DBX2: variants seen among roughly 807,000 people sequenced by gnomAD.
DBX2 encodes developing brain homeobox 2.
A neutral mutation model predicts 17.7 loss-of-function variants in DBX2; 16 were observed. That is an observed-to-expected ratio of 0.90 (90% CI 0.61 to 1.37). The LOEUF is 1.37. Ranked by LOEUF, DBX2 falls within the 40% of genes most tolerant of loss-of-function variation. The pLI is 0.00. For synonymous variants in DBX2, 255 were observed against 183.8 expected (o/e 1.39, Z -3.13); for missense variants, 538 against 433.8 (o/e 1.24, Z -2.13).
At position 45,023,871 on chromosome 12, in the gene DBX2, G is replaced by C; in HGVS notation, c.523C>G (p.Leu175Val). 6.3e-7 allele frequency: 1 copy of C among 1,580,798 alleles called. No individual in the cohort carries two copies. The highest frequency in any genetic ancestry group is 2.2e-5 in the East Asian group (1 of 44,674). Residue 175 changes from leucine to valine, a missense_variant, in exon 3 of 4, where the codon CTG (leucine) becomes GTG (valine). By Grantham distance (32) the Leu-to-Val change is conservative. Coordinates refer to ENST00000332700, the MANE Select transcript of DBX2 (RefSeq NM_001004329.3). Reference protein sequence around the residue: ...FPREESMLPLLTQDSNSKARR... With the variant: ...FPREESMLPLVTQDSNSKARR... ...GCTTTGGAATTAGAGTCCTGTGTCA[G>C]GAGAGGCAGCATGCTCTCTTCTCCT...
Position 45,023,886 on chromosome 12 carries a change from T to G in DBX2, c.508A>C (p.Ser170Arg). 6.4e-7 allele frequency: 1 copy of G among 1,555,972 alleles called. No individual in the cohort carries two copies. Among genetic ancestry groups the G allele is most frequent in the Non-Finnish European group, 8.6e-7 (1 of 1,158,290 alleles). Reference protein sequence around the residue: ...ASSTAFPREESMLPLLTQDSN... With the variant: ...ASSTAFPREERMLPLLTQDSN... ...TCCTGTGTCAGGAGAGGCAGCATGC[T>G]CTCTTCTCCTAGAGTCGAGGGAAAA... Residue 170 changes from serine (S) to arginine (R), a missense_variant, in exon 3 of 4, where the codon AGC becomes CGC. Transcript: ENST00000332700.
chr12:45,016,105 A>G lies in DBX2; in HGVS notation c.*181T>C. On this transcript the variant is annotated 3_prime_UTR_variant, in exon 4 of 4. Transcript: ENST00000332700. ...CTGGGAGATTCTATTCCACTTACAA[A>G]TTAAGCCTGAGTCTAGGGCCAAACA... 3.7e-6 allele frequency: 2 copies of G among 544,568 alleles called. No homozygotes were observed. Among genetic ancestry groups the G allele is most frequent in the East Asian group, 3.3e-5 (1 of 30,324 alleles). 33.7% of individuals were successfully genotyped at this position (544,568 alleles called of 1,614,324 possible).
intron 2 of DBX2, among the ~76,000 whole-genome samples, chr12:45,031,830 C>T (rs549483876): frequency 1.9e-4 from 29 of 152,246 alleles, no homozygotes; most frequent in East Asian, 1.5e-3. Context: ...GCTGACAGTA[C>T]GCTTTCCTGC....
intron 2 of DBX2, among the ~76,000 whole-genome samples, chr12:45,033,054 T>C (rs1946418360): frequency 6.6e-6 from 1 of 152,196 alleles, no homozygotes; most frequent in African/African-American, 2.4e-5. Context: ...CTGTAAGCGT[T>C]GTGCTTAAAT....
At chr12:45,048,365 T>A (rs1403288454) in intron 1 of DBX2, among the ~76,000 whole-genome samples, 1 of 152,212 alleles carries the variant, frequency 6.6e-6, no homozygotes, top group Admixed American at 6.5e-5. Context: ...CAGAACTGGT[T>A]GTTGGATAAC....
intron 2 of DBX2, among the ~76,000 whole-genome samples, chr12:45,032,624 T>C (rs191035705): frequency 4.6e-5 from 7 of 152,310 alleles, no homozygotes; most frequent in Middle Eastern, 3.4e-3. Context: ...TTTTAAGTTT[T>C]AACAAGAAGA....
In DBX2 at chr12:45,050,946, C is replaced by G. The variant is rs1946530352; in HGVS notation, c.-19G>C. ...GGAGCATAGTGCGGCGCCAACCGGT[C>G]TGCTGCGCGCCCGCCTTGCGCCCGC... is the stretch of plus-strand genomic sequence containing the variant. On this transcript the variant is annotated 5_prime_UTR_variant, in exon 1 of 4. Coordinates refer to ENST00000332700, the MANE Select transcript of DBX2 (RefSeq NM_001004329.3). 2 of 1,410,150 alleles carry G rather than the reference C, an allele frequency of 1.4e-6. No individual in the cohort carries two copies. Among genetic ancestry groups the G allele is most frequent in the Non-Finnish European group, 1.8e-6 (2 of 1,081,476 alleles). 87.4% of individuals were successfully genotyped at this position (1,410,150 alleles called of 1,614,324 possible).
At chr12:45,024,861 C>A (rs1946373134) in intron 2 of DBX2, among the ~76,000 whole-genome samples, 1 of 152,152 alleles carries the variant, frequency 6.6e-6, no homozygotes, top group Non-Finnish European at 1.5e-5. Context: ...GAAGAGAGAA[C>A]TGAAGGGCTC....
chr12:45,024,533 C>T (rs150400689), intron 2 of DBX2, among the ~76,000 whole-genome samples: 53 of 152,310 alleles, frequency 3.5e-4, no homozygotes, highest in African/African-American at 7.7e-4. Flanking sequence ...AGCCCCGATA[C>T]GGATTAAGTA....
chr12:45,028,040 C>G (rs1592753080), intron 2 of DBX2, among the ~76,000 whole-genome samples: 1 of 152,216 alleles, frequency 6.6e-6, no homozygotes, highest in African/African-American at 2.4e-5. Context: ...CCTAGAAGAA[C>G]AGCAATTCCT....
Position 45,029,534 on chromosome 12 carries a change from G to A in DBX2, c.500-5640C>T, listed in dbSNP as rs538852102. 4.6e-5 allele frequency among the ~76,000 whole-genome samples: 7 copies of A among 152,286 alleles called. No individual in the cohort carries two copies. In the South Asian group the frequency reaches 1.5e-3, roughly 32 times the overall value. On this transcript the variant is annotated intron_variant, in intron 2 of 3. Transcript: ENST00000332700. ...AAGGTACGAGTGGGCAGGGAAAGAA[G>A]TGGGAAAGTGGCAAGAGTTACATTA...
Position 45,016,460 on chromosome 12 carries a change from G to T in DBX2, c.846C>A (p.Val282=), listed in dbSNP as rs757912540. ...ATCTTGGACTTGAGTGCTGTTGGGG[G>T]ACGTCCCATATTGAAGGACATGGAG... is the stretch of plus-strand genomic sequence containing the variant. ...FPSPCPSIWD[V]PQQHSSPRWR... Residue 282 remains valine (V), a synonymous_variant, in exon 4 of 4, where the codon GTC becomes GTA. Transcript: ENST00000332700. 3.7e-6 allele frequency: 6 copies of T among 1,613,826 alleles called. No homozygotes were observed. In the East Asian group the frequency reaches 8.9e-5, roughly 24 times the overall value.
At chr12:45,041,041 G>C (rs114552403) in intron 1 of DBX2, among the ~76,000 whole-genome samples, 4,348 of 147,844 alleles carry the variant, frequency 0.029, 213 homozygotes, top group African/African-American at 0.099. Context: ...GGCAACCACT[G>C]GGGGGAAGAA....
In DBX2 at chr12:45,015,439, G is replaced by C. The variant is rs1183342448; in HGVS notation, c.*847C>G. 5 of 152,076 alleles carry C rather than the reference G, an allele frequency of 3.3e-5. No homozygotes were observed. Among genetic ancestry groups the C allele is most frequent in the African/African-American group, 1.2e-4 (5 of 41,414 alleles). The allele number at this position is 152,076 out of a possible 1,614,324, so 9.4% of individuals were successfully genotyped here. A position where few individuals can be genotyped will look rare whatever the true frequency, so the allele number is the denominator to read the frequency against. On this transcript the variant is annotated 3_prime_UTR_variant, in exon 4 of 4. Coordinates refer to ENST00000332700, the MANE Select transcript of DBX2 (RefSeq NM_001004329.3). Reference sequence around the variant, plus strand: ...ATTTTGTTTGGCCAATACAGTATTTGAAAAATTACTTGACTCAAATATCTC... The same window carrying C: ...ATTTTGTTTGGCCAATACAGTATTTCAAAAATTACTTGACTCAAATATCTC...
At chr12:45,023,000 G>C (rs1946361833) in intron 3 of DBX2, among the ~76,000 whole-genome samples, 2 of 152,150 alleles carry the variant, frequency 1.3e-5, no homozygotes, top group African/African-American at 4.8e-5. Context: ...GATTATTATA[G>C]TGTGTATTTC....
chr12:45,042,263 T>TA (rs1946475595), intron 1 of DBX2, among the ~76,000 whole-genome samples: 1 of 152,062 alleles, frequency 6.6e-6, no homozygotes. Context: ...AAACAGCACA[T>TA]AAAAAAGCTG....
chr12:45,050,795 G>A lies in DBX2; in HGVS notation c.133C>T (p.Arg45Trp), dbSNP rs1271273960. 2 of 1,524,832 alleles carry A rather than the reference G, an allele frequency of 1.3e-6. No homozygotes were observed. The highest frequency in any genetic ancestry group is 1.8e-6 in the Non-Finnish European group (2 of 1,137,480). The allele number at this position is 1,524,832 out of a possible 1,614,324, so 94.5% of individuals were successfully genotyped here. The stretch of plus-strand genomic sequence containing the variant: ...CTGGGCGTTGGGGCGCCCCCGACCC[G>A]CAGCAAATTCTCGATCAGGAAACTC... The part of the protein sequence containing the change: ...GKSFLIENLL[R>W]VGGAPTPRLQ... The change falls in exon 1 of 4, where the codon CGG (arginine) becomes TGG (tryptophan). Residue 45 changes from arginine to tryptophan, a missense_variant. Coordinates refer to ENST00000332700, the MANE Select transcript of DBX2 (RefSeq NM_001004329.3).
chr12:45,033,269 G>A (rs1946419530), intron 2 of DBX2, among the ~76,000 whole-genome samples: 1 of 152,180 alleles, frequency 6.6e-6, no homozygotes, highest in South Asian at 2.1e-4. Context: ...TTTGGAAAGA[G>A]TGAAGCAATA....
intron 2 of DBX2, among the ~76,000 whole-genome samples, chr12:45,035,432 T>G (rs1450682984): frequency 6.6e-6 from 1 of 152,190 alleles, no homozygotes; most frequent in Non-Finnish European, 1.5e-5. Context: ...CTGCGAGATT[T>G]TGAAAGTCTG....
Sources: allele counts gnomAD v4.1 joint callset (sites outside exome capture counted in the v4.1 genomes callset), GRCh38; gene constraint gnomAD v4.1.1; transcripts MANE v1.5; gene names NCBI Gene and HGNC (gene_info 2026-07-23, HGNC 2026-07-21).